The following GPM6A variants were observed in gnomAD, a reference collection of about 807,000 sequenced individuals.
The protein encoded by GPM6A is neuronal membrane glycoprotein M6-a.
GPM6A carries 7 observed loss-of-function variants against 32.1 expected under a neutral mutation model. The observed-to-expected ratio is 0.22, with a 90% CI of 0.12 to 0.41. The LOEUF (loss-of-function observed/expected upper bound fraction) is 0.41. Among genes scored for constraint, GPM6A ranks in the 10% least tolerant of loss-of-function variants. The pLI is 1.00. For synonymous variants in GPM6A, 130 were observed against 123.4 expected, an observed-to-expected ratio of 1.05 and a Z score of -0.35; for missense variants, 235 against 347.2, an observed-to-expected ratio of 0.68 and a Z score of 2.57.
At chr4:175,653,366 T>C (rs1467286918) in intron 3 of GPM6A, among the ~76,000 whole-genome samples, 1 of 152,156 alleles carries the variant, frequency 6.6e-6, no homozygotes, top group Non-Finnish European at 1.5e-5. Flanking sequence ...ACACATGTTT[T>C]CTAATAATAT....
chr4:175,865,670 T>G (rs1230925951), intron 1 of GPM6A, among the ~76,000 whole-genome samples: 1 of 152,208 alleles, frequency 6.6e-6, no homozygotes, highest in East Asian at 1.9e-4. Flanking sequence ...CATTAACATT[T>G]CATATTTTGT....
chr4:175,812,820 C>CA (rs896579154), upstream of GPM6A: 12 of 984,950 alleles, frequency 1.2e-5, no homozygotes, highest in East Asian at 1.1e-4. Flanking sequence ...AGATACGTTG[C>CA]AAAAAAACTG....
chr4:175,848,082 A>G (rs1385899314), intron 1 of GPM6A, among the ~76,000 whole-genome samples: 1 of 152,184 alleles, frequency 6.6e-6, no homozygotes, highest in Non-Finnish European at 1.5e-5. Flanking sequence ...CTTAGCCCCT[A>G]GCTCTTTTCC....
chr4:175,816,618 G>C (rs746522639), upstream of GPM6A, among the ~76,000 whole-genome samples: 9 of 152,178 alleles, frequency 5.9e-5, no homozygotes, highest in Non-Finnish European at 1.2e-4. Context: ...ACAGAGAGGA[G>C]ATGTGGAAAA....
At chr4:175,837,274 C>A (rs1214045604) in intron 1 of GPM6A, among the ~76,000 whole-genome samples, 1 of 152,168 alleles carries the variant, frequency 6.6e-6, no homozygotes, top group Non-Finnish European at 1.5e-5. Context: ...AAAGAACCAA[C>A]CTGCCTACAC....
In GPM6A at chr4:175,711,688, T is replaced by C. The variant is rs1291964590; in HGVS notation, c.38-9921A>G. On this transcript the variant is annotated intron_variant, in intron 1 of 6. Transcript: ENST00000393658. ...TGTCTTGTGCATTCGGAGGATGGAGTTGGGCCTGGAGAAGTTCTCGCTAGT... is the reference window on the plus strand; with the variant it reads ...TGTCTTGTGCATTCGGAGGATGGAGCTGGGCCTGGAGAAGTTCTCGCTAGT... Among the ~76,000 whole-genome samples the C allele has an allele frequency of 2.4e-5, 3 of 125,630 alleles. No homozygotes were observed. In the Admixed American group the frequency reaches 2.6e-4, roughly 11 times the overall value. 82.4% of individuals were successfully genotyped at this position (125,630 alleles called of 152,430 possible). A position where few individuals can be genotyped will look rare whatever the true frequency, so the allele number is the denominator to read the frequency against.
intron 1 of GPM6A, among the ~76,000 whole-genome samples, chr4:175,749,303 GAA>G (rs1732227725): frequency 6.6e-6 from 1 of 152,060 alleles, no homozygotes; most frequent in African/African-American, 2.4e-5. Flanking sequence ...TAATAATAAT[GAA>G]AAAGTTTGAA....
chr4:175,775,046 C>T (rs918441787), intron 1 of GPM6A, among the ~76,000 whole-genome samples: 4 of 152,016 alleles, frequency 2.6e-5, no homozygotes, highest in African/African-American at 7.2e-5. Flanking sequence ...GTAGTGCTAA[C>T]ATTTTTATTT....
intron 3 of GPM6A, among the ~76,000 whole-genome samples, chr4:175,660,204 C>G (rs1305826957): frequency 2.6e-5 from 4 of 151,942 alleles, no homozygotes; most frequent in Non-Finnish European, 5.9e-5. Flanking sequence ...TCAAGACCAG[C>G]CTGACCAACA....
intron 1 of GPM6A, among the ~76,000 whole-genome samples, chr4:175,930,427 G>T (rs1283328514): frequency 1.1e-5 from 1 of 94,900 alleles, no homozygotes; most frequent in East Asian, 4.1e-4. Context: ...CTGTTTTTTG[G>T]GGGGGGGTTT....
chr4:175,943,385 G>T (rs1406099221), intron 1 of GPM6A, among the ~76,000 whole-genome samples: 1 of 152,078 alleles, frequency 6.6e-6, no homozygotes, highest in South Asian at 2.1e-4. Flanking sequence ...TCTCTTACCT[G>T]ATTGCCCTGG....
intron 1 of GPM6A, among the ~76,000 whole-genome samples, chr4:175,851,086 T>C (rs1273280062): frequency 1.3e-5 from 2 of 152,074 alleles, no homozygotes; most frequent in Non-Finnish European, 2.9e-5. Flanking sequence ...CAGCTGGGCA[T>C]GGTGGCTCAT....
At chr4:175,956,358 A>T (rs1377583520) in intron 1 of GPM6A, among the ~76,000 whole-genome samples, 1 of 152,210 alleles carries the variant, frequency 6.6e-6, no homozygotes, top group Non-Finnish European at 1.5e-5. Flanking sequence ...TCTGTGTAAG[A>T]ATCTCACCAA....
In GPM6A at chr4:175,995,872, G is replaced by A. The variant is rs138951080; in HGVS notation, c.-23+6437C>T. ...TATCATACTGCTTTCTAGAATTAAC[G>A]CATTATTCCATTATTCTGGTTATGT... On this transcript the variant is annotated intron_variant, in intron 1 of 7. Transcript: ENST00000280187. 9.0e-3 allele frequency among the ~76,000 whole-genome samples: 1,368 copies of A among 151,836 alleles called. 9 individuals carry two copies. The highest frequency in any genetic ancestry group is 0.013 in the Non-Finnish European group (893 of 67,986).
intron 1 of GPM6A, among the ~76,000 whole-genome samples, chr4:175,846,987 CT>C (rs1286053828): frequency 2.6e-5 from 4 of 152,058 alleles, no homozygotes; most frequent in Non-Finnish European, 5.9e-5. Flanking sequence ...TCAACATGTG[CT>C]GTATAAGTAA....
At chr4:175,868,155 T>C (rs1465527754) in intron 1 of GPM6A, among the ~76,000 whole-genome samples, 2 of 152,194 alleles carry the variant, frequency 1.3e-5, no homozygotes, top group African/African-American at 4.8e-5. Context: ...GTCTTTGATC[T>C]GGCAAGACTA....
chr4:175,780,701 G>A (rs980551746), intron 1 of GPM6A, among the ~76,000 whole-genome samples: 11 of 152,090 alleles, frequency 7.2e-5, no homozygotes, highest in African/African-American at 2.7e-4. Flanking sequence ...ACACAAATTA[G>A]CCAGTGTTTT....
At chr4:175,931,253 A>G (rs1033597664) in intron 1 of GPM6A, among the ~76,000 whole-genome samples, 1 of 152,176 alleles carries the variant, frequency 6.6e-6, no homozygotes, top group African/African-American at 2.4e-5. Context: ...AAAATATTAA[A>G]TAAATATTAG....
intron 1 of GPM6A, among the ~76,000 whole-genome samples, chr4:175,961,762 A>T (rs1018855104): frequency 2.0e-5 from 3 of 152,128 alleles, no homozygotes; most frequent in Non-Finnish European, 4.4e-5. Flanking sequence ...TCTCAGCAAG[A>T]CCTACCCTCA....
Sources: gnomAD v4.1 joint callset for allele counts (sites outside exome capture counted in the v4.1 genomes callset) on GRCh38, gnomAD v4.1.1 for gene constraint, MANE v1.5 for transcripts, NCBI Gene and HGNC (gene_info 2026-07-23, HGNC 2026-07-21) for gene names.